The following LRCH1 variants were observed in gnomAD, a reference collection of about 807,000 sequenced individuals.
LRCH1 encodes leucine-rich repeat and calponin homology domain-containing protein 1.
LRCH1 carries 23 observed loss-of-function variants against 94.9 expected under a neutral mutation model. That is an observed-to-expected ratio of 0.24 (90% CI 0.17 to 0.34). LRCH1 has a LOEUF of 0.34. Among genes scored for constraint, LRCH1 ranks in the 10% least tolerant of loss-of-function variants. The pLI is 1.00. For missense variants in LRCH1, 790 were observed against 945.9 expected, an observed-to-expected ratio of 0.84 and a Z score of 2.16; for synonymous variants, 364 against 354.9, an observed-to-expected ratio of 1.03 and a Z score of -0.29.
chr13:46,598,261 C>T (rs1333372160), intron 1 of LRCH1, among the ~76,000 whole-genome samples: 1 of 152,120 alleles, frequency 6.6e-6, no homozygotes, highest in Non-Finnish European at 1.5e-5. Context: ...CCAGAAACAA[C>T]ACTATTTCTT....
At chr13:46,558,985 T>G (rs2050100836) in intron 1 of LRCH1, among the ~76,000 whole-genome samples, 1 of 152,212 alleles carries the variant, frequency 6.6e-6, no homozygotes. Flanking sequence ...TCTGTACAGA[T>G]TCAAAGGATC....
chr13:46,709,127 C>T (rs1423542650), intron 13 of LRCH1, among the ~76,000 whole-genome samples: 1 of 152,186 alleles, frequency 6.6e-6, no homozygotes, highest in Admixed American at 6.5e-5. Flanking sequence ...AATTCATTTC[C>T]TTGTGTTTGT....
At chr13:46,667,982 A>G (rs2051543739) in intron 2 of LRCH1, among the ~76,000 whole-genome samples, 1 of 152,216 alleles carries the variant, frequency 6.6e-6, no homozygotes, top group African/African-American at 2.4e-5. Flanking sequence ...CTGAAACTTT[A>G]TGCATGTGTG....
chr13:46,583,904 G>A (rs774592567), intron 1 of LRCH1, among the ~76,000 whole-genome samples: 1 of 152,028 alleles, frequency 6.6e-6, no homozygotes, highest in African/African-American at 2.4e-5. Flanking sequence ...GGGATTACAG[G>A]CGTGAGCCAC....
rs1300099631 is a variant in LRCH1 at position 46,723,251 on chromosome 13, C to T, written c.1790C>T (p.Ser597Phe). ...CTAAGACCTCAGAGAAATTTGGAAT[C>T]TATAGACCCGCAGTTTACAATCCGG... ...VFLRPQRNLE[S>F]IDPQFTIRRK... Residue 597 changes from serine (S) to phenylalanine (F), a missense_variant, in exon 17 of 20, where the codon TCT becomes TTT. This residue lies in a region of LRCH1 where 460 missense variants were observed against 508.9 expected (regional missense o/e 0.90). Transcript: ENST00000389797. 3 of 1,613,240 alleles carry T rather than the reference C, an allele frequency of 1.9e-6. No homozygotes were observed. Among genetic ancestry groups the T allele is most frequent in the Non-Finnish European group, 2.5e-6 (3 of 1,179,424 alleles).
chr13:46,603,076 G>A (rs2050648520), intron 1 of LRCH1, among the ~76,000 whole-genome samples: 1 of 152,082 alleles, frequency 6.6e-6, no homozygotes, highest in African/African-American at 2.4e-5. Context: ...TCTGTATCCT[G>A]TGACTTCATC....
chr13:46,617,195 G>A (rs564793861), intron 1 of LRCH1, among the ~76,000 whole-genome samples: 2 of 152,292 alleles, frequency 1.3e-5, no homozygotes, highest in East Asian at 3.9e-4. Context: ...GATTTTGGTT[G>A]TTTATACTTG....
At chr13:46,707,493 C>G (rs1871825831) in intron 13 of LRCH1, among the ~76,000 whole-genome samples, 5 of 152,116 alleles carry the variant, frequency 3.3e-5, no homozygotes, top group Admixed American at 1.3e-4. Flanking sequence ...TTTTTCGTTG[C>G]AACTAACAAG....
chr13:46,677,631 A>G (rs184645375), intron 3 of LRCH1, among the ~76,000 whole-genome samples: 1 of 151,914 alleles, frequency 6.6e-6, no homozygotes, highest in African/African-American at 2.4e-5. Flanking sequence ...ACTTCTAGAG[A>G]CTCTTTTTAT....
At chr13:46,729,707 T>G in intron 18 of LRCH1, among the ~76,000 whole-genome samples, 1 of 152,252 alleles carries the variant, frequency 6.6e-6, no homozygotes, top group East Asian at 1.9e-4. Context: ...GGTTGGTAAC[T>G]TCCCTTCTAA....
intron 16 of LRCH1, among the ~76,000 whole-genome samples, chr13:46,722,105 T>C (rs1039225085): frequency 6.6e-6 from 1 of 152,212 alleles, no homozygotes; most frequent in African/African-American, 2.4e-5. Flanking sequence ...CCATAGGAAA[T>C]GTATGTCAGG....
At chr13:46,724,495 G>A (rs550464652) in intron 17 of LRCH1, among the ~76,000 whole-genome samples, 1 of 152,350 alleles carries the variant, frequency 6.6e-6, no homozygotes, top group African/African-American at 2.4e-5. Context: ...CAAAGAGGAA[G>A]TCTTGTGCTG....
intron 1 of LRCH1, among the ~76,000 whole-genome samples, chr13:46,597,246 G>A (rs1157682708): frequency 2.6e-5 from 4 of 152,106 alleles, no homozygotes; most frequent in African/African-American, 9.7e-5. Flanking sequence ...GTAAACGAGT[G>A]TCCTGGATGC....
At chr13:46,554,233 G>A (rs562925235) in intron 1 of LRCH1, among the ~76,000 whole-genome samples, 30 of 152,366 alleles carry the variant, frequency 2.0e-4, no homozygotes, top group Non-Finnish European at 3.7e-4. Flanking sequence ...GGGCATCGGC[G>A]CAGTGCCGCG....
chr13:46,733,209 G>T (rs994884304), intron 18 of LRCH1, among the ~76,000 whole-genome samples: 1 of 152,100 alleles, frequency 6.6e-6, no homozygotes, highest in Non-Finnish European at 1.5e-5. Flanking sequence ...TGTTCAAAAC[G>T]TACCATGTAA....
Position 46,743,492 on chromosome 13 carries a change from G to A in LRCH1, c.*1644G>A, listed in dbSNP as rs1873768812. The A allele has an allele frequency of 1.0e-6, 1 of 985,642 alleles. No individual in the cohort carries two copies. The allele number at this position is 985,642 out of a possible 1,614,324, so 61.1% of individuals were successfully genotyped here. A position where few individuals can be genotyped will look rare whatever the true frequency, so the allele number is the denominator to read the frequency against. ...ACAGATGTACTGAATTACTTTTGGT[G>A]CTATCTTGTACTCTTCAATCTGTAA... On this transcript the variant is annotated 3_prime_UTR_variant, in exon 20 of 20. Coordinates refer to ENST00000389797, the MANE Select transcript of LRCH1 (RefSeq NM_001164211.2).
chr13:46,752,254 T>C (rs1289483531), exon 19 of LRCH1: 1 of 152,282 alleles, frequency 6.6e-6, no homozygotes, highest in Non-Finnish European at 1.5e-5. Flanking sequence ...GAATGCTGAC[T>C]GCACTTTCAC....
In LRCH1 at chr13:46,711,791, G is replaced by A. The variant is rs780651343; in HGVS notation, c.1528G>A (p.Val510Met). The change falls in exon 14 of 20, where the codon GTG becomes ATG. Residue 510 changes from valine to methionine, a missense_variant and splice_region_variant. By Grantham distance (21) the Val-to-Met change is conservative (BLOSUM62 1). Transcript: ENST00000389797. ...CCATGCTTTGTTCTTCTTTTTTAAG[G>A]TGCAAAGTGATCTAACATTACAGAG... Reference protein sequence around the residue: ...IQLETSPVCEVQSDLTLQSNG... With the variant: ...IQLETSPVCEMQSDLTLQSNG... 11 of 1,612,228 alleles carry A rather than the reference G, an allele frequency of 6.8e-6. No homozygotes were observed. The African/African-American group carries it at 1.2e-4, about 18-fold the overall frequency.
chr13:46,708,911 C>T (rs926933104), intron 13 of LRCH1, among the ~76,000 whole-genome samples: 3 of 152,134 alleles, frequency 2.0e-5, no homozygotes, highest in African/African-American at 7.2e-5. Context: ...CGACTCAGTA[C>T]CTAACTACTA....
Sources: gnomAD v4.1 joint callset for allele counts (sites outside exome capture counted in the v4.1 genomes callset) on GRCh38, gnomAD v4.1.1 for gene constraint, gnomAD v4.1.1 regional missense constraint, MANE v1.5 for transcripts, NCBI Gene and HGNC (gene_info 2026-07-23, HGNC 2026-07-21) for gene names.